Variants in ASCC3 observed in about 807,000 individuals in gnomAD.
ASCC3 encodes the protein activating signal cointegrator 1 complex subunit 3.
In ASCC3, 158 loss-of-function variants were observed where a neutral mutation model predicts 256.3. The ratio of observed to expected loss-of-function variants is 0.62; its 90% CI spans 0.54 to 0.70. The LOEUF (loss-of-function observed/expected upper bound fraction) is 0.70, where lower values mean the gene tolerates loss of function less well. ASCC3 is among the 30% of genes least tolerant of loss of function. The probability of loss-of-function intolerance (pLI) is 0.00; values close to 1 mark genes in which losing one functional copy is unlikely to be tolerated. For missense variants in ASCC3, 2,259 were observed against 2,626.0 expected (o/e 0.86, Z 3.05); for synonymous variants, 948 against 883.4 (o/e 1.07, Z -1.30).
intron 25 of ASCC3, among the ~76,000 whole-genome samples, chr6:100,633,020 A>G (rs909644239): frequency 6.6e-6 from 1 of 152,302 alleles, no homozygotes; most frequent in African/African-American, 2.4e-5. Context: ...CAGAGAGACA[A>G]TGTGAAATGA....
intron 26 of ASCC3, among the ~76,000 whole-genome samples, chr6:100,630,561 C>T (rs1456140647): frequency 4.0e-5 from 6 of 148,782 alleles, no homozygotes; most frequent in East Asian, 4.0e-4. Flanking sequence ...CAGAGTAATA[C>T]AATATTTTAC....
chr6:100,849,866 G>A lies in ASCC3; in HGVS notation c.242-1159C>T, dbSNP rs1460878709. On this transcript the variant is annotated intron_variant, in intron 3 of 41. Coordinates refer to ENST00000369162, the MANE Select transcript of ASCC3 (RefSeq NM_006828.4). Reference sequence around the variant, plus strand: ...TGTAATCCCAGCACTTTGGGAGGCCGAGGTGGGTGGATCACCTGAGGTCAG... The same window carrying A: ...TGTAATCCCAGCACTTTGGGAGGCCAAGGTGGGTGGATCACCTGAGGTCAG... Among the ~76,000 whole-genome samples the A allele has an allele frequency of 2.0e-5, 3 of 151,888 alleles. No homozygotes were observed. In the South Asian group the frequency reaches 6.2e-4, roughly 32 times the overall value.
rs1177081801 is a variant in ASCC3 at position 100,685,340 on chromosome 6, T to C, written c.2152-5588A>G. On this transcript the variant is annotated intron_variant, in intron 13 of 41. Coordinates refer to ENST00000369162, the MANE Select transcript of ASCC3 (RefSeq NM_006828.4). ...TCATTCTAGCCATCACAGCCACTTA[T>C]CTGTCTTGCTCTCAGTTCTTCTCGA... 2.0e-5 allele frequency among the ~76,000 whole-genome samples: 3 copies of C among 152,166 alleles called. No individual in the cohort carries two copies. In the East Asian group the frequency reaches 5.8e-4, roughly 29 times the overall value.
chr6:100,665,150 T>C (rs1014029717), intron 14 of ASCC3, among the ~76,000 whole-genome samples: 1 of 152,140 alleles, frequency 6.6e-6, no homozygotes, highest in Non-Finnish European at 1.5e-5. Flanking sequence ...TACCTCCCAC[T>C]TGATCACATG....
At chr6:100,547,273 C>T (rs1182048913) in intron 36 of ASCC3, among the ~76,000 whole-genome samples, 1 of 151,616 alleles carries the variant, frequency 6.6e-6, no homozygotes, top group Non-Finnish European at 1.5e-5. Context: ...TTAAAAGTTC[C>T]AGAAGAAAAC....
intron 13 of ASCC3, among the ~76,000 whole-genome samples, chr6:100,687,030 T>TCACACACACACACACACACACA (rs1164501730): frequency 3.9e-5 from 5 of 129,272 alleles, no homozygotes; most frequent in Non-Finnish European, 6.5e-5. Context: ...TCTCTCTCTC[T>TCACACACACACACACACACACA]CTCTCACACA....
At chr6:100,646,481 C>G in intron 22 of ASCC3, 134 bp downstream of exon 22, 1 of 968,484 alleles carries the variant, frequency 1.0e-6, no homozygotes, top group Non-Finnish European at 1.5e-6. Flanking sequence ...CGGCTAATTG[C>G]TATAATTTTT....
chr6:100,799,398 T>C, intron 7 of ASCC3, 33 bp downstream of exon 7: 1 of 1,606,094 alleles, frequency 6.2e-7, no homozygotes, highest in Non-Finnish European at 8.5e-7. Flanking sequence ...AATAGACATA[T>C]TATTGAACAG....
chr6:100,871,492 G>A (rs1026565803), intron 1 of ASCC3, among the ~76,000 whole-genome samples: 40 of 152,180 alleles, frequency 2.6e-4, no homozygotes, highest in African/African-American at 9.4e-4. Context: ...CTGGGGGCCA[G>A]GCACAGTGGT....
intron 5 of ASCC3, among the ~76,000 whole-genome samples, chr6:100,803,084 A>G (rs1279070903): frequency 6.6e-6 from 1 of 152,154 alleles, no homozygotes; most frequent in Non-Finnish European, 1.5e-5. Flanking sequence ...TCAAATTCTC[A>G]GAATTTACAA....
At chr6:100,523,097 G>A (rs1417253414) in intron 37 of ASCC3, among the ~76,000 whole-genome samples, 3 of 151,010 alleles carry the variant, frequency 2.0e-5, no homozygotes, top group Non-Finnish European at 4.4e-5. Context: ...TATGATTCAC[G>A]AATACATGAT....
chr6:100,607,978 A>G (rs1232342028), intron 30 of ASCC3, among the ~76,000 whole-genome samples: 2 of 143,826 alleles, frequency 1.4e-5, no homozygotes, highest in African/African-American at 2.6e-5. Context: ...TTTTTTATAT[A>G]TTAACGATAT....
At chr6:100,792,905 A>C (rs1217587799) in intron 8 of ASCC3, among the ~76,000 whole-genome samples, 1 of 151,982 alleles carries the variant, frequency 6.6e-6, no homozygotes, top group African/African-American at 2.4e-5. Context: ...ACCAGATAAG[A>C]AAATAAAATA....
chr6:100,820,569 G>C (rs1286566126), intron 4 of ASCC3, among the ~76,000 whole-genome samples: 1 of 151,668 alleles, frequency 6.6e-6, no homozygotes, highest in Admixed American at 6.6e-5. Context: ...TACAGATGTA[G>C]ATATGGTAAA....
intron 36 of ASCC3, among the ~76,000 whole-genome samples, chr6:100,587,942 A>C (rs547936241): frequency 8.1e-4 from 123 of 152,314 alleles, no homozygotes; most frequent in Non-Finnish European, 1.5e-3. Context: ...TGTAGTAGGC[A>C]TATGATTTTC....
intron 8 of ASCC3, among the ~76,000 whole-genome samples, chr6:100,779,505 C>T (rs950306020): frequency 1.3e-5 from 2 of 152,154 alleles, no homozygotes; most frequent in Non-Finnish European, 2.9e-5. Context: ...ATGGAGTCCC[C>T]TTTTCATCTC....
intron 13 of ASCC3, among the ~76,000 whole-genome samples, chr6:100,691,120 A>G (rs1319339712): frequency 1.3e-5 from 2 of 152,138 alleles, no homozygotes; most frequent in African/African-American, 4.8e-5. Flanking sequence ...CTAAGTGTAC[A>G]TTATGTACCA....
intron 1 of ASCC3, among the ~76,000 whole-genome samples, chr6:100,876,468 T>C (rs1741844830): frequency 6.6e-6 from 1 of 152,174 alleles, no homozygotes. Context: ...GGTTAAGGTT[T>C]TGTAACACAG....
At position 100,540,372 on chromosome 6, in the gene ASCC3, T is replaced by C; in HGVS notation, c.5566A>G (p.Thr1856Ala). Residue 1856 changes from threonine (T) to alanine (A), a missense_variant, in exon 37 of 42, where the codon ACA (threonine) becomes GCA (alanine). Thr to Ala is a moderately conservative substitution (Grantham distance 58, BLOSUM62 0). Around this residue, in one of 2 missense-constraint regions of ASCC3, gnomAD observed 1,839 missense variants for 2,206.7 expected, o/e 0.83. Coordinates refer to ENST00000369162, the MANE Select transcript of ASCC3 (RefSeq NM_006828.4). ...LSILSDAEEY[T>A]DLPVRHNEDH... ...TCATTGTGTCTCACTGGCAAATCTG[T>C]ATATTCTTCTGCATCCTGAAAAAAA... The C allele has an allele frequency of 3.1e-6, 5 of 1,613,052 alleles. No individual in the cohort carries two copies. Among genetic ancestry groups the C allele is most frequent in the Non-Finnish European group, 2.5e-6 (3 of 1,179,688 alleles).
Sources: allele counts gnomAD v4.1 joint callset (sites outside exome capture counted in the v4.1 genomes callset), GRCh38; gene constraint gnomAD v4.1.1; regional missense constraint gnomAD v4.1.1; transcripts MANE v1.5; gene names NCBI Gene and HGNC (gene_info 2026-07-23, HGNC 2026-07-21).